CDH12: variants seen among roughly 807,000 people sequenced by gnomAD.
CDH12 encodes the protein cadherin 12.
In CDH12, 41 loss-of-function variants were observed where a neutral mutation model predicts 74.1. The ratio of observed to expected loss-of-function variants is 0.55; its 90% CI spans 0.43 to 0.72. The LOEUF (loss-of-function observed/expected upper bound fraction) is 0.72, where lower values mean the gene tolerates loss of function less well. CDH12 is among the 30% of genes least tolerant of loss of function. The pLI, the probability that CDH12 is intolerant of heterozygous loss-of-function variation, is 0.00. For synonymous variants in CDH12, 399 were observed against 355.0 expected (o/e 1.12, Z -1.39); for missense variants, 945 against 977.2 (o/e 0.97, Z 0.44).
At chr5:22,841,266 G>A (rs1044716840) in intron 1 of CDH12, among the ~76,000 whole-genome samples, 1 of 152,086 alleles carries the variant, frequency 6.6e-6, no homozygotes, top group Admixed American at 6.6e-5. Flanking sequence ...AGGATCTGCT[G>A]GCAAATTAGA....
intron 6 of CDH12, among the ~76,000 whole-genome samples, chr5:21,871,629 A>G (rs1042541623): frequency 6.6e-6 from 1 of 152,204 alleles, no homozygotes; most frequent in Non-Finnish European, 1.5e-5. Context: ...CCTACTCGGG[A>G]GGCAGGAGAA....
chr5:22,412,510 G>C (rs1672066787), intron 2 of CDH12, among the ~76,000 whole-genome samples: 1 of 151,724 alleles, frequency 6.6e-6, no homozygotes, highest in Admixed American at 6.6e-5. Context: ...TATCAAAACA[G>C]TTATTTGTGA....
At chr5:22,298,463 C>T (rs1737726662) in intron 3 of CDH12, among the ~76,000 whole-genome samples, 1 of 151,902 alleles carries the variant, frequency 6.6e-6, no homozygotes, top group Admixed American at 6.6e-5. Flanking sequence ...TATAATATTC[C>T]ATAAAATGTG....
intron 6 of CDH12, among the ~76,000 whole-genome samples, chr5:21,870,277 T>C (rs1026384690): frequency 6.6e-6 from 1 of 152,172 alleles, no homozygotes; most frequent in African/African-American, 2.4e-5. Context: ...GGGAAAGCAC[T>C]ACTTCTGTGT....
chr5:21,851,928 ACTTTT>A lies in CDH12; in HGVS notation c.646+2738_646+2742del, dbSNP rs1480614821. 2.0e-5 allele frequency among the ~76,000 whole-genome samples: 3 copies of A among 151,452 alleles called. No individual in the cohort carries two copies. The East Asian group carries it at 5.8e-4, about 29-fold the overall frequency. On this transcript the variant is annotated intron_variant, in intron 7 of 14. Transcript: ENST00000382254. ...TTTAGGCACCAGAGGTTTTGATGAGACTTTTCTTTTCAGAATTGTTTTAAGCTGTT... is the reference window on the plus strand; with the variant it reads ...TTTAGGCACCAGAGGTTTTGATGAGACTTTTCAGAATTGTTTTAAGCTGTT...
At chr5:22,024,131 T>C (rs778872379) in intron 5 of CDH12, among the ~76,000 whole-genome samples, 14 of 152,084 alleles carry the variant, frequency 9.2e-5, no homozygotes, top group Non-Finnish European at 1.6e-4. Flanking sequence ...AATTGAGTTT[T>C]AGCGACTTGA....
At chr5:22,302,152 A>T (rs1426413797) in intron 3 of CDH12, among the ~76,000 whole-genome samples, 1 of 152,200 alleles carries the variant, frequency 6.6e-6, no homozygotes, top group Non-Finnish European at 1.5e-5. Context: ...CATTTCAGAC[A>T]TAAGGTCAAT....
intron 1 of CDH12, among the ~76,000 whole-genome samples, chr5:22,781,853 G>C (rs562954235): frequency 6.6e-6 from 1 of 152,168 alleles, no homozygotes; most frequent in Non-Finnish European, 1.5e-5. Context: ...TGGTACTCAA[G>C]ACCTTGGGAG....
intron 1 of CDH12, among the ~76,000 whole-genome samples, chr5:22,614,982 G>C (rs533134046): frequency 4.6e-5 from 7 of 152,010 alleles, no homozygotes; most frequent in Non-Finnish European, 1.0e-4. Flanking sequence ...ATCCAGGGTG[G>C]GGAAGAGTGT....
intron 1 of CDH12, among the ~76,000 whole-genome samples, chr5:22,759,413 G>T (rs938803378): frequency 6.6e-5 from 10 of 152,088 alleles, no homozygotes; most frequent in African/African-American, 2.4e-4. Flanking sequence ...CTAAAATTAG[G>T]CAAGATCATT....
Position 22,035,384 on chromosome 5 carries a change from G to GTA in CDH12, c.231+43061_231+43062insTA, listed in dbSNP as rs201132497. Among the ~76,000 whole-genome samples the GTA allele has an allele frequency of 7.5e-3, 1,105 of 147,968 alleles. 4 individuals carry two copies. The highest frequency in any genetic ancestry group is 0.048 in the Middle Eastern group (14 of 292). ...GTAGTTAAGTTAATTTCTCTGGCCT[G>GTA]TGTATATATATATATATATGCATGT... is the stretch of plus-strand genomic sequence containing the variant. On this transcript the variant is annotated intron_variant, in intron 5 of 14. Transcript: ENST00000382254.
chr5:22,219,956 A>G (rs1308099390), intron 3 of CDH12, among the ~76,000 whole-genome samples: 1 of 151,926 alleles, frequency 6.6e-6, no homozygotes. Flanking sequence ...TGAACAACAT[A>G]TAAACTATGT....
intron 1 of CDH12, among the ~76,000 whole-genome samples, chr5:22,735,037 T>G (rs977909470): frequency 6.6e-6 from 1 of 151,952 alleles, no homozygotes; most frequent in Non-Finnish European, 1.5e-5. Context: ...GAAAATGGAC[T>G]TTAGGTCAGT....
intron 3 of CDH12, among the ~76,000 whole-genome samples, chr5:22,296,935 T>C (rs1387868405): frequency 6.6e-6 from 1 of 152,114 alleles, no homozygotes; most frequent in Non-Finnish European, 1.5e-5. Flanking sequence ...ATGACAATAC[T>C]CCTTTTTGAA....
intron 6 of CDH12, among the ~76,000 whole-genome samples, chr5:21,879,165 C>T (rs970788172): frequency 1.3e-5 from 2 of 152,118 alleles, no homozygotes; most frequent in African/African-American, 2.4e-5. Flanking sequence ...TAATCATTCT[C>T]ATGATGACTT....
chr5:22,557,536 G>T (rs1483959836), intron 1 of CDH12, among the ~76,000 whole-genome samples: 1 of 152,004 alleles, frequency 6.6e-6, no homozygotes, highest in Non-Finnish European at 1.5e-5. Flanking sequence ...TGGGAAGAAA[G>T]GAAAAAGAAG....
At chr5:22,628,016 T>C (rs1738389358) in intron 1 of CDH12, among the ~76,000 whole-genome samples, 1 of 152,100 alleles carries the variant, frequency 6.6e-6, no homozygotes, top group Non-Finnish European at 1.5e-5. Context: ...GGGTATTACA[T>C]AATGGTAAAG....
At chr5:22,284,462 C>G (rs1415711628) in intron 3 of CDH12, among the ~76,000 whole-genome samples, 1 of 152,106 alleles carries the variant, frequency 6.6e-6, no homozygotes, top group Non-Finnish European at 1.5e-5. Context: ...AATTCAGCTT[C>G]TTGAGAAATA....
chr5:22,073,618 T>C (rs970415265), intron 5 of CDH12, among the ~76,000 whole-genome samples: 1 of 152,180 alleles, frequency 6.6e-6, no homozygotes, highest in African/African-American at 2.4e-5. Flanking sequence ...CTAGGTAATG[T>C]ATTAAATTCA....
Sources: gnomAD v4.1 joint callset for allele counts (sites outside exome capture counted in the v4.1 genomes callset) on GRCh38, gnomAD v4.1.1 for gene constraint, MANE v1.5 for transcripts, NCBI Gene and HGNC (gene_info 2026-07-23, HGNC 2026-07-21) for gene names.